Variants in MOCOS observed in about 807,000 individuals in gnomAD.
MOCOS encodes the protein human molybdenum cofactor sulfurase.
A neutral mutation model predicts 83.6 loss-of-function variants in MOCOS; 86 were observed. The observed-to-expected ratio is 1.03, with a 90% CI of 0.86 to 1.23. The LOEUF (loss-of-function observed/expected upper bound fraction) is 1.23, where lower values mean the gene tolerates loss of function less well. Among genes scored for constraint, MOCOS ranks in the 50% most tolerant of loss-of-function variants. MOCOS has a pLI of 0.00. For synonymous variants in MOCOS, 445 were observed against 434.7 expected (o/e 1.02, Z -0.29); for missense variants, 1,120 against 1,126.9 (o/e 0.99, Z 0.09).
intron 2 of MOCOS, among the ~76,000 whole-genome samples, chr18:36,196,672 CCTT>C (rs1356036442): frequency 2.6e-5 from 4 of 152,124 alleles, no homozygotes; most frequent in African/African-American, 7.2e-5. Context: ...TTGTAATTCT[CCTT>C]CTTTAACCTT....
intron 9 of MOCOS, among the ~76,000 whole-genome samples, chr18:36,247,832 G>C (rs565285100): frequency 5.1e-4 from 78 of 152,334 alleles, no homozygotes; most frequent in African/African-American, 1.7e-3. Context: ...TCCTGCAGCG[G>C]TTCATGCAGC....
At chr18:36,256,947 T>C (rs2091643864) in intron 11 of MOCOS, 21 bp from the exon 12 acceptor site, 1 of 1,590,124 alleles carries the variant, frequency 6.3e-7, no homozygotes, top group Non-Finnish European at 8.6e-7. Flanking sequence ...ACTCTTCTTT[T>C]AAATGCTCCA....
chr18:36,230,945 T>C (rs1415545833), intron 9 of MOCOS, among the ~76,000 whole-genome samples: 1 of 152,238 alleles, frequency 6.6e-6, no homozygotes, highest in African/African-American at 2.4e-5. Flanking sequence ...AATTTTTGTC[T>C]TACTGCATTT....
chr18:36,247,105 G>T (rs112684503), intron 9 of MOCOS, among the ~76,000 whole-genome samples: 1 of 152,162 alleles, frequency 6.6e-6, no homozygotes, highest in African/African-American at 2.4e-5. Context: ...GGCTGTTTCT[G>T]CTGTGTCAAA....
chr18:36,253,438 C>A (rs1025825076), intron 11 of MOCOS, among the ~76,000 whole-genome samples: 3 of 152,008 alleles, frequency 2.0e-5, no homozygotes, highest in African/African-American at 7.3e-5. Context: ...GAGGCCGAGG[C>A]GGGCAGATCA....
intron 5 of MOCOS, among the ~76,000 whole-genome samples, chr18:36,204,185 T>G (rs190161785): frequency 2.6e-4 from 39 of 152,312 alleles, no homozygotes; most frequent in Non-Finnish European, 3.8e-4. Flanking sequence ...TTTCCAGAAC[T>G]TTACCATACC....
chr18:36,257,863 T>C (rs925126253), intron 12 of MOCOS, among the ~76,000 whole-genome samples: 2 of 152,114 alleles, frequency 1.3e-5, no homozygotes, highest in African/African-American at 4.8e-5. Flanking sequence ...ACATACATAT[T>C]TGCAAAGACA....
intron 9 of MOCOS, among the ~76,000 whole-genome samples, chr18:36,232,549 CAT>C (rs2091542273): frequency 6.6e-6 from 1 of 151,908 alleles, no homozygotes; most frequent in African/African-American, 2.4e-5. Flanking sequence ...TATTGTTAAC[CAT>C]AGTCACCCTA....
At chr18:36,197,472 T>C (rs2091393659) in intron 2 of MOCOS, among the ~76,000 whole-genome samples, 1 of 151,502 alleles carries the variant, frequency 6.6e-6, no homozygotes, top group Non-Finnish European at 1.5e-5. Flanking sequence ...AACTATATCA[T>C]AAAATTTACC....
chr18:36,251,224 G>T lies in MOCOS; in HGVS notation c.2105G>T (p.Cys702Phe), dbSNP rs1228182967. Residue 702 changes from cysteine (C) to phenylalanine (F), a missense_variant, in exon 11 of 15, where the codon TGT becomes TTT. By Grantham distance (205) the Cys-to-Phe change is radical. Transcript: ENST00000261326. ...TTGTCAACATTTTTTGGCCGTCCTT[G>T]TCATTTGATCAAACAAAGTTCAAAC... ...SWLSTFFGRP[C>F]HLIKQSSNSQ... 1.9e-6 allele frequency: 3 copies of T among 1,613,756 alleles called. No individual in the cohort carries two copies. The highest frequency in any genetic ancestry group is 1.7e-5 in the Admixed American group (1 of 59,996).
intron 5 of MOCOS, among the ~76,000 whole-genome samples, chr18:36,203,987 G>A (rs1007098223): frequency 6.6e-6 from 1 of 152,146 alleles, no homozygotes; most frequent in Non-Finnish European, 1.5e-5. Context: ...GGAATGCAAA[G>A]GTTGACTGTA....
At position 36,213,788 on chromosome 18, in the gene MOCOS, G is replaced by A. The variant is rs115724585; in HGVS notation, c.1335+306G>A. Among the ~76,000 whole-genome samples, 1,110 of 151,806 alleles carry A rather than the reference G, an allele frequency of 7.3e-3. 16 individuals are homozygous for A. The highest frequency in any genetic ancestry group is 0.026 in the African/African-American group (1,075 of 41,354). On this transcript the variant is annotated intron_variant, in intron 7 of 14. Coordinates refer to ENST00000261326, the MANE Select transcript of MOCOS (RefSeq NM_017947.4). ...TACTAAAGATGCAAAAATTAGCCAG[G>A]CATGATGGCATGCGCCTGTAATCCT...
intron 9 of MOCOS, among the ~76,000 whole-genome samples, chr18:36,223,028 C>T (rs2091502482): frequency 6.6e-6 from 1 of 152,170 alleles, no homozygotes; most frequent in African/African-American, 2.4e-5. Flanking sequence ...TATTTTCTCC[C>T]ATTCCACAGG....
At chr18:36,200,351 G>C in intron 4 of MOCOS, 27 bp downstream of exon 4, 1 of 1,613,326 alleles carries the variant, frequency 6.2e-7, no homozygotes, top group South Asian at 1.1e-5. Context: ...GGAGGGGTCA[G>C]AGGAGTTCAG....
intron 7 of MOCOS, among the ~76,000 whole-genome samples, chr18:36,214,779 G>A (rs746317812): frequency 2.6e-5 from 4 of 152,076 alleles, no homozygotes; most frequent in Non-Finnish European, 5.9e-5. Flanking sequence ...GGGAGAGGGA[G>A]GCTCAGAACA....
At chr18:36,249,149 C>T (rs1248291859) in intron 10 of MOCOS, 149 bp downstream of exon 10, 1 of 745,356 alleles carries the variant, frequency 1.3e-6, no homozygotes, top group Admixed American at 2.0e-5. Context: ...TCTAACCACA[C>T]TCTTGGCTCT....
At chr18:36,249,501 G>C (rs774370203) in intron 10 of MOCOS, among the ~76,000 whole-genome samples, 1 of 152,252 alleles carries the variant, frequency 6.6e-6, no homozygotes, top group East Asian at 1.9e-4. Context: ...AGGACAGTGT[G>C]GGGTGGGAAG....
At chr18:36,255,859 C>G (rs553029682) in intron 11 of MOCOS, among the ~76,000 whole-genome samples, 1 of 149,172 alleles carries the variant, frequency 6.7e-6, no homozygotes, top group African/African-American at 2.5e-5. Context: ...TATTTTCTTT[C>G]AATAGTTTCG....
intron 11 of MOCOS, among the ~76,000 whole-genome samples, chr18:36,253,566 T>C (rs1468433390): frequency 1.3e-5 from 2 of 151,478 alleles, no homozygotes; most frequent in African/African-American, 2.4e-5. Context: ...CTTGGGAGGC[T>C]GAGGCAGGAG....
Sources: allele counts gnomAD v4.1 joint callset (sites outside exome capture counted in the v4.1 genomes callset), GRCh38; gene constraint gnomAD v4.1.1; transcripts MANE v1.5; gene names NCBI Gene and HGNC (gene_info 2026-07-23, HGNC 2026-07-21).